Variants in ME2 observed in about 807,000 individuals in gnomAD.
The protein encoded by ME2 is NAD-dependent malic enzyme, mitochondrial.
A neutral mutation model predicts 73.7 loss-of-function variants in ME2; 60 were observed. That is an observed-to-expected ratio of 0.81 (90% CI 0.66 to 1.01). ME2 has a LOEUF of 1.01. Ranked by LOEUF, ME2 falls within the 50% of genes least tolerant of loss-of-function variation. The pLI, the probability that ME2 is intolerant of heterozygous loss-of-function variation, is 0.00. For synonymous variants in ME2, 199 were observed against 236.9 expected (o/e 0.84, Z 1.47); for missense variants, 594 against 705.5 (o/e 0.84, Z 1.79).
At chr18:50,899,142 G>T (rs575942299) in intron 2 of ME2, among the ~76,000 whole-genome samples, 18 of 152,164 alleles carry the variant, frequency 1.2e-4, no homozygotes, top group Non-Finnish European at 1.9e-4. Flanking sequence ...TGTGAACTGC[G>T]CATGCAAGGG....
chr18:50,925,807 C>T lies in ME2; in HGVS notation c.1223C>T (p.Ala408Val). 1.1e-5 allele frequency: 17 copies of T among 1,613,104 alleles called. No homozygotes were observed. Among genetic ancestry groups the T allele is most frequent in the Non-Finnish European group, 1.4e-5 (17 of 1,179,144 alleles). The change falls in exon 12 of 16, where the codon GCC (alanine) becomes GTC (valine). Residue 408 changes from alanine (A) to valine (V), a missense_variant. Physicochemically the swap from Ala to Val is moderately conservative, Grantham distance 64. Coordinates refer to ENST00000321341, the MANE Select transcript of ME2 (RefSeq NM_002396.5). The stretch of plus-strand genomic sequence containing the variant: ...ACTCCTGATGTAATCAGAGCCATGG[C>T]CTCTATCAATGAAAGGCCTGTAATA... Reference protein sequence around the residue: ...LFTPDVIRAMASINERPVIFA... With the variant: ...LFTPDVIRAMVSINERPVIFA...
intron 11 of ME2, among the ~76,000 whole-genome samples, chr18:50,925,038 A>G (rs1187619375): frequency 2.6e-5 from 4 of 151,744 alleles, no homozygotes; most frequent in South Asian, 2.1e-4. Context: ...TTTTGTCTCT[A>G]TGAATTTAAC....
At chr18:50,928,756 C>T (rs1568172275) in intron 12 of ME2, among the ~76,000 whole-genome samples, 1 of 152,146 alleles carries the variant, frequency 6.6e-6, no homozygotes, top group Non-Finnish European at 1.5e-5. Flanking sequence ...ATCAAAAGTC[C>T]TGAGGTATTT....
At chr18:50,889,117 A>G (rs1916548465) in intron 1 of ME2, among the ~76,000 whole-genome samples, 1 of 152,124 alleles carries the variant, frequency 6.6e-6, no homozygotes, top group Non-Finnish European at 1.5e-5. Context: ...TCCTTCTGTC[A>G]AGTTGTATAT....
intron 4 of ME2, among the ~76,000 whole-genome samples, chr18:50,913,492 C>CG: frequency 6.6e-6 from 1 of 152,070 alleles, no homozygotes; most frequent in South Asian, 2.1e-4. Flanking sequence ...CGCCACCATG[C>CG]CTGCTAATTT....
At chr18:50,925,398 G>A (rs1275408574) in intron 11 of ME2, among the ~76,000 whole-genome samples, 2 of 152,176 alleles carry the variant, frequency 1.3e-5, no homozygotes, top group Non-Finnish European at 2.9e-5. Flanking sequence ...AGAATCACTT[G>A]AACCCAGGAG....
Position 50,917,363 on chromosome 18 carries a change from A to C in ME2, c.485A>C (p.Asp162Ala). ...GTGATTAAGGCTGTTGTAGTGACTGATGGAGAGAGAATTCTGGGTCTTGGA... is the reference window on the plus strand; with the variant it reads ...GTGATTAAGGCTGTTGTAGTGACTGCTGGAGAGAGAATTCTGGGTCTTGGA... ...ENHVKAVVVT[D>A]GERILGLGDL... The change falls in exon 6 of 16, where the codon GAT becomes GCT. Residue 162 changes from aspartate (D) to alanine (A), a missense_variant. Physicochemically the swap from Asp to Ala is moderately radical, Grantham distance 126 (BLOSUM62 -2). Coordinates refer to ENST00000321341, the MANE Select transcript of ME2 (RefSeq NM_002396.5). 1 of 1,613,376 alleles carries C rather than the reference A, an allele frequency of 6.2e-7. No individual in the cohort carries two copies. The highest frequency in any genetic ancestry group is 8.5e-7 in the Non-Finnish European group (1 of 1,179,558).
Position 50,932,280 on chromosome 18 carries a change from G to T in ME2, c.1337G>T (p.Gly446Val). 1.2e-6 allele frequency: 2 copies of T among 1,611,984 alleles called. No individual in the cohort carries two copies. Among genetic ancestry groups the T allele is most frequent in the Non-Finnish European group, 1.7e-6 (2 of 1,178,612 alleles). Residue 446 changes from glycine to valine, a missense_variant, in exon 13 of 16, where the codon GGC (glycine) becomes GTC (valine). Gly to Val is a moderately radical substitution (Grantham distance 109). Coordinates refer to ENST00000321341, the MANE Select transcript of ME2 (RefSeq NM_002396.5). ...LTEGRCLFAS[G>V]SPFGPVKLTD... ...CAGGGCAGGTGTTTGTTTGCCAGTG[G>T]CAGTCCATTTGGGCCAGTGAAACTT...
chr18:50,913,493 C>A (rs1441402868), intron 4 of ME2, among the ~76,000 whole-genome samples: 3 of 151,978 alleles, frequency 2.0e-5, no homozygotes, highest in Non-Finnish European at 1.5e-5. Flanking sequence ...GCCACCATGC[C>A]TGCTAATTTT....
intron 1 of ME2, among the ~76,000 whole-genome samples, chr18:50,885,084 G>GGTCTCAGGTGATCTGCCT (rs1366956169): frequency 6.6e-6 from 1 of 151,640 alleles, no homozygotes. Context: ...CCGAACTCCT[G>GGTCTCAGGTGATCTGCCT]GTCTCAGGTG....
At chr18:50,943,551 A>T (rs535732744) in intron 15 of ME2, among the ~76,000 whole-genome samples, 120 of 152,108 alleles carry the variant, frequency 7.9e-4, no homozygotes, top group Non-Finnish European at 1.2e-3. Flanking sequence ...AGATCTGCCC[A>T]CCTTGGCCTC....
intron 2 of ME2, among the ~76,000 whole-genome samples, chr18:50,901,078 T>C (rs1209603092): frequency 6.6e-6 from 1 of 152,236 alleles, no homozygotes; most frequent in Non-Finnish European, 1.5e-5. Context: ...GGATTTGTGA[T>C]GAACAGAGCT....
intron 1 of ME2, among the ~76,000 whole-genome samples, chr18:50,882,580 G>A (rs1916349664): frequency 6.6e-6 from 1 of 152,170 alleles, no homozygotes; most frequent in Non-Finnish European, 1.5e-5. Flanking sequence ...AAACTGTTAT[G>A]TGTGGGGGAC....
At chr18:50,882,259 A>C (rs1046226386) in intron 1 of ME2, among the ~76,000 whole-genome samples, 23 of 152,146 alleles carry the variant, frequency 1.5e-4, no homozygotes, top group African/African-American at 5.3e-4. Flanking sequence ...TTGGCCTCCC[A>C]AAGTGCTGGG....
At chr18:50,896,862 T>A (rs1304309851) in intron 2 of ME2, among the ~76,000 whole-genome samples, 1 of 152,182 alleles carries the variant, frequency 6.6e-6, no homozygotes, top group Non-Finnish European at 1.5e-5. Context: ...ACCTTTGTAT[T>A]CTTGGTACAT....
At chr18:50,897,923 C>T (rs979768859) in intron 2 of ME2, among the ~76,000 whole-genome samples, 23 of 152,028 alleles carry the variant, frequency 1.5e-4, no homozygotes, top group Non-Finnish European at 3.1e-4. Context: ...TCTGAAATCC[C>T]TAAGATTGAA....
At chr18:50,938,902 AG>A (rs1226281679) in intron 13 of ME2, among the ~76,000 whole-genome samples, 1 of 152,174 alleles carries the variant, frequency 6.6e-6, no homozygotes, top group Non-Finnish European at 1.5e-5. Context: ...ATCAAAGTAA[AG>A]GAAAAAGGAC....
intron 1 of ME2, among the ~76,000 whole-genome samples, chr18:50,889,281 A>G (rs1211710723): frequency 6.6e-6 from 1 of 152,182 alleles, no homozygotes; most frequent in East Asian, 1.9e-4. Context: ...TAGAAAGACC[A>G]AGTGATTAGA....
At chr18:50,938,068 C>T (rs1249354465) in intron 13 of ME2, among the ~76,000 whole-genome samples, 2 of 152,180 alleles carry the variant, frequency 1.3e-5, no homozygotes. Context: ...TGGCTCATGC[C>T]TGTAATCCCA....
Sources: allele counts gnomAD v4.1 joint callset (sites outside exome capture counted in the v4.1 genomes callset), GRCh38; gene constraint gnomAD v4.1.1; transcripts MANE v1.5; gene names NCBI Gene and HGNC (gene_info 2026-07-23, HGNC 2026-07-21).